The following MINDY4B variants were observed in gnomAD, a reference collection of about 807,000 sequenced individuals.
MINDY4B encodes the protein MINDY family member 4B.
In MINDY4B, 25 loss-of-function variants were observed where a neutral mutation model predicts 16.7. That is an observed-to-expected ratio of 1.49 (90% CI 1.09 to 2.09). The LOEUF (loss-of-function observed/expected upper bound fraction) is 2.09. Among genes scored for constraint, MINDY4B ranks in the 30% most tolerant of loss-of-function variants. MINDY4B has a pLI of 0.00. For synonymous variants in MINDY4B, 132 were observed against 61.9 expected, an observed-to-expected ratio of 2.13 and a Z score of -5.32; for missense variants, 327 against 168.4, an observed-to-expected ratio of 1.94 and a Z score of -5.21.
chr3:150,898,904 G>A (rs906988526), intron 3 of MINDY4B, among the ~76,000 whole-genome samples: 2 of 152,072 alleles, frequency 1.3e-5, no homozygotes, highest in African/African-American at 4.8e-5. Context: ...GCTTCCCTGT[G>A]ACCACCTGCC....
chr3:150,886,137 C>G (rs1711616365), intron 7 of MINDY4B, among the ~76,000 whole-genome samples: 1 of 152,180 alleles, frequency 6.6e-6, no homozygotes, highest in Non-Finnish European at 1.5e-5. Context: ...CTTGCAATCT[C>G]TAGGATCAAA....
chr3:150,875,400 A>C (rs1376062169), intron 10 of MINDY4B, among the ~76,000 whole-genome samples: 1 of 152,216 alleles, frequency 6.6e-6, no homozygotes, highest in East Asian at 1.9e-4. Context: ...ATTCCATTGG[A>C]ACTTCAAATG....
chr3:150,873,480 C>T (rs1015391721), intron 10 of MINDY4B, 113 bp from the exon 11 acceptor site: 36 of 624,002 alleles, frequency 5.8e-5, no homozygotes, highest in African/African-American at 1.3e-4. Context: ...TTGCACTTGT[C>T]GCGTGCAGGG....
At chr3:150,872,541 GA>G (rs765558485) in intron 11 of MINDY4B, among the ~76,000 whole-genome samples, 8 of 152,150 alleles carry the variant, frequency 5.3e-5, no homozygotes, top group Admixed American at 1.3e-4. Context: ...GTTTATGACC[GA>G]AATGATCTGT....
intron 10 of MINDY4B, 127 bp downstream of exon 10, chr3:150,882,770 G>C: frequency 2.3e-6 from 1 of 438,248 alleles, no homozygotes; most frequent in South Asian, 6.1e-5. Flanking sequence ...TGTGGCAGGA[G>C]GGAGGTACAC....
At chr3:150,871,686 TAAA>T (rs1330230253) in intron 11 of MINDY4B, among the ~76,000 whole-genome samples, 2 of 152,080 alleles carry the variant, frequency 1.3e-5, no homozygotes, top group Non-Finnish European at 2.9e-5. Context: ...CTGTCTCTAC[TAAA>T]AATACAGAAA....
rs991749811 is a variant in MINDY4B, at chr3:150,893,361, A to G, written c.484T>C (p.Leu162=). 7.3e-5 allele frequency: 51 copies of G among 702,682 alleles called. 1 individual carries two copies. Among genetic ancestry groups the G allele is most frequent in the East Asian group, 2.4e-4 (9 of 37,304 alleles). 43.5% of individuals were successfully genotyped at this position (702,682 alleles called of 1,614,324 possible). ...CAGTCTTTTCCTTTCCTGGTAAACA[A>G]CAAGTATTTGATGATGGATCCTTGC... The part of the protein sequence containing the change: ...AVQGSIIKYL[L]FTRKGKDCNL... The change falls in exon 5 of 12, where the codon TTG becomes CTG. Residue 162 remains leucine, a synonymous_variant. Coordinates refer to ENST00000465419, the MANE Select transcript of MINDY4B (RefSeq NM_001351281.2).
chr3:150,871,307 C>G, intron 11 of MINDY4B, 120 bp from the exon 12 acceptor site: 4 of 624,612 alleles, frequency 6.4e-6, no homozygotes, highest in Non-Finnish European at 8.6e-6. Flanking sequence ...TGTGCTCCTA[C>G]AACTGGTTAA....
At chr3:150,886,890 CAGTT>C (rs1711634749) in intron 7 of MINDY4B, among the ~76,000 whole-genome samples, 2 of 152,320 alleles carry the variant, frequency 1.3e-5, no homozygotes, top group South Asian at 4.1e-4. Flanking sequence ...TCCCTTCAAT[CAGTT>C]AGGTAACATA....
rs1037352490 is a variant in MINDY4B at position 150,883,351 on chromosome 3, C to T, written c.898-293G>A. ...TTTTCCATGGTTGTGATTTAAGAAG[C>T]ATGAAGCTAAGATGTTTTTTAGCAC... On this transcript the variant is annotated intron_variant, in intron 9 of 11. Transcript: ENST00000465419. Among the ~76,000 whole-genome samples the T allele has an allele frequency of 2.0e-5, 3 of 152,188 alleles. No homozygotes were observed. In the East Asian group the frequency reaches 5.8e-4, roughly 29 times the overall value.
chr3:150,886,149 C>G (rs935673131), intron 7 of MINDY4B, among the ~76,000 whole-genome samples: 2 of 152,198 alleles, frequency 1.3e-5, no homozygotes, highest in African/African-American at 4.8e-5. Flanking sequence ...AGGATCAAAT[C>G]TAAACTACCT....
intron 5 of MINDY4B, 46 bp downstream of exon 5, chr3:150,893,278 A>T (rs1188660692): frequency 1.4e-6 from 1 of 701,560 alleles, no homozygotes; most frequent in Non-Finnish European, 2.6e-6. Flanking sequence ...GCATATCAAG[A>T]TTCTAGTGAA....
intron 3 of MINDY4B, among the ~76,000 whole-genome samples, chr3:150,902,132 C>T (rs1712131766): frequency 6.6e-6 from 1 of 152,176 alleles, no homozygotes; most frequent in Non-Finnish European, 1.5e-5. Flanking sequence ...CTCATCCTCT[C>T]AGCTGGGATC....
At chr3:150,874,752 A>C (rs1221377349) in intron 10 of MINDY4B, among the ~76,000 whole-genome samples, 2 of 152,222 alleles carry the variant, frequency 1.3e-5, no homozygotes, top group Non-Finnish European at 1.5e-5. Flanking sequence ...CACGTGCTTT[A>C]TCAACCCAAG....
At chr3:150,902,013 C>T (rs1288221300) in intron 3 of MINDY4B, among the ~76,000 whole-genome samples, 1 of 152,082 alleles carries the variant, frequency 6.6e-6, no homozygotes, top group Non-Finnish European at 1.5e-5. Flanking sequence ...AAGGTTATAT[C>T]GAAGCTGGAA....
intron 3 of MINDY4B, among the ~76,000 whole-genome samples, chr3:150,896,594 T>A (rs1363385827): frequency 1.3e-5 from 2 of 152,226 alleles, no homozygotes; most frequent in African/African-American, 4.8e-5. Context: ...TATAGTACTC[T>A]CCCCTTTTCC....
chr3:150,878,961 T>G (rs1711501342), intron 10 of MINDY4B, among the ~76,000 whole-genome samples: 1 of 152,348 alleles, frequency 6.6e-6, no homozygotes, highest in East Asian at 1.9e-4. Context: ...TCCCTGTGAA[T>G]TCTTGACTCT....
chr3:150,892,718 G>T (rs954778490), intron 5 of MINDY4B, among the ~76,000 whole-genome samples: 1 of 151,358 alleles, frequency 6.6e-6, no homozygotes, highest in Non-Finnish European at 1.5e-5. Flanking sequence ...GCCGAGGTAG[G>T]CAAATCACCT....
intron 3 of MINDY4B, chr3:150,901,522 CTTTTT>C (rs10556676): frequency 0.088 from 11,925 of 134,862 alleles, 617 homozygotes; most frequent in East Asian, 0.23. Context: ...CTTTTCTTTT[CTTTTT>C]TTTTTTTTTT....
Sources: gnomAD v4.1 joint callset for allele counts (sites outside exome capture counted in the v4.1 genomes callset) on GRCh38, gnomAD v4.1.1 for gene constraint, MANE v1.5 for transcripts, NCBI Gene and HGNC (gene_info 2026-07-23, HGNC 2026-07-21) for gene names.